The following UVSSA variants were observed in gnomAD, a reference collection of about 807,000 sequenced individuals.
UVSSA encodes the protein UV stimulated scaffold protein A, also known as UV-stimulated scaffold protein A.
UVSSA carries 72 observed loss-of-function variants against 73.9 expected under a neutral mutation model. The observed-to-expected ratio is 0.97, with a 90% CI of 0.81 to 1.19. The LOEUF is 1.19. Ranked by LOEUF, UVSSA falls within the 50% of genes most tolerant of loss-of-function variation. UVSSA has a pLI of 0.00. For missense variants in UVSSA, 1,150 were observed against 965.0 expected, an observed-to-expected ratio of 1.19 and a Z score of -2.54; for synonymous variants, 454 against 391.3, an observed-to-expected ratio of 1.16 and a Z score of -1.89.
At chr4:1,393,574 T>TTAGATTAGA (rs1553889243) in exon 14 of UVSSA, 2 of 147,584 alleles carry the variant, frequency 1.4e-5, no homozygotes, top group African/African-American at 5.0e-5. Flanking sequence ...GATAGATAGA[T>TTAGATTAGA]TAGATAGATA....
intron 4 of UVSSA, 144 bp downstream of exon 4, chr4:1,351,979 G>C (rs1434244069): frequency 1.3e-5 from 17 of 1,353,150 alleles, no homozygotes; most frequent in Non-Finnish European, 1.5e-5. Context: ...GGTCGGGCCG[G>C]AAGGCGTTCT....
At chr4:1,389,450 C>G (rs1437809319), downstream of UVSSA, 1 of 152,310 alleles carries the variant, frequency 6.6e-6, no homozygotes, top group East Asian at 1.9e-4. Context: ...TGGCTCACTA[C>G]AGCTTTGACC....
At position 1,353,237 on chromosome 4, in the gene UVSSA, G is replaced by A. The variant is rs747075424; in HGVS notation, c.758G>A (p.Cys253Tyr). 2.5e-6 allele frequency: 4 copies of A among 1,611,888 alleles called. No individual in the cohort carries two copies. The South Asian group carries it at 4.4e-5, about 18-fold the overall frequency. The change falls in exon 5 of 14, where the codon TGC becomes TAC. Residue 253 changes from cysteine to tyrosine, a missense_variant. By Grantham distance (194) the Cys-to-Tyr change is radical. Coordinates refer to ENST00000389851, the MANE Select transcript of UVSSA (RefSeq NM_020894.4). ...CCCCGGGACGGGGAGCAGCCCTGCTGCAGTAGAGACCTGCCTGCCTCTGCA... is the reference window on the plus strand; with the variant it reads ...CCCCGGGACGGGGAGCAGCCCTGCTACAGTAGAGACCTGCCTGCCTCTGCA... ...PDPRDGEQPC[C>Y]SRDLPASAGH...
upstream of UVSSA, among the ~76,000 whole-genome samples, chr4:1,344,443 T>C (rs942959744): frequency 1.3e-5 from 2 of 151,964 alleles, no homozygotes; most frequent in East Asian, 3.9e-4. Context: ...CCCAGCTATT[T>C]GGGAGGCCAA....
chr4:1,351,519 G>A (rs2109073965), intron 3 of UVSSA, among the ~76,000 whole-genome samples, 196 bp from the exon 4 acceptor site: 1 of 151,422 alleles, frequency 6.6e-6, no homozygotes, highest in African/African-American at 2.4e-5. Context: ...CCAAGTAGCT[G>A]GGACTACAGG....
rs77731309 is a variant in UVSSA, at chr4:1,380,926, C to T, written c.1799C>T (p.Pro600Leu). Residue 600 changes from proline (P) to leucine (L), a missense_variant, in exon 12 of 14, where the codon CCG becomes CTG. Coordinates refer to ENST00000389851, the MANE Select transcript of UVSSA (RefSeq NM_020894.4). ...GTTCCACGGGACGACGAAGGACGGC[C>T]GCTCGACCCGGAAGACAGGGCTCGT... ...KIVPRDDEGR[P>L]LDPEDRAREQ... is the part of the protein sequence containing the mutation. 4.8e-4 allele frequency: 775 copies of T among 1,613,034 alleles called. 2 individuals carry two copies. The East Asian group carries it at 0.011, about 22-fold the overall frequency.
At chr4:1,345,293 G>A (rs529163896), upstream of UVSSA, among the ~76,000 whole-genome samples, 1 of 152,248 alleles carries the variant, frequency 6.6e-6, no homozygotes, top group East Asian at 1.9e-4. Flanking sequence ...GAGAGGAAGA[G>A]AGAAGCCCAA....
At chr4:1,394,501 C>G in exon 14 of UVSSA, 2 of 1,612,264 alleles carry the variant, frequency 1.2e-6, no homozygotes, top group South Asian at 2.2e-5. Flanking sequence ...CCAGGTGTCC[C>G]TGCACCTCTT....
At chr4:1,374,700 G>T (rs1002113964) in intron 8 of UVSSA, among the ~76,000 whole-genome samples, 2 of 152,330 alleles carry the variant, frequency 1.3e-5, no homozygotes, top group South Asian at 4.1e-4. Flanking sequence ...GGAGGGAGTT[G>T]CCAGGGCCAA....
At chr4:1,348,492 T>C (rs180993168) in intron 2 of UVSSA, among the ~76,000 whole-genome samples, 1 of 152,374 alleles carries the variant, frequency 6.6e-6, no homozygotes, top group East Asian at 1.9e-4. Flanking sequence ...AACGTGCATC[T>C]TTTTCTTTGC....
exon 14 of UVSSA, chr4:1,394,835 C>T (rs1720490958): frequency 1.3e-6 from 2 of 1,526,912 alleles, no homozygotes; most frequent in Non-Finnish European, 1.8e-6. Context: ...CCCGCCTGCT[C>T]ACGTGCCCAT....
intron 11 of UVSSA, chr4:1,380,545 G>C: frequency 8.9e-7 from 1 of 1,125,196 alleles, no homozygotes; most frequent in Non-Finnish European, 1.2e-6. Flanking sequence ...ATCCTCAAAA[G>C]TGAGGAGAGG....
At position 1,376,046 on chromosome 4, in the gene UVSSA, G is replaced by A. The variant is rs114098503; in HGVS notation, c.1446G>A (p.Ala482=). 159 of 1,597,566 alleles carry A rather than the reference G, an allele frequency of 1.0e-4. 1 individual carries two copies. Among genetic ancestry groups the A allele is most frequent in the Middle Eastern group, 1.8e-4 (1 of 5,486 alleles). Residue 482 remains alanine (A), a synonymous_variant, in exon 10 of 14, where the codon GCG becomes GCA. Coordinates refer to ENST00000389851, the MANE Select transcript of UVSSA (RefSeq NM_020894.4). ...PPPSSASPSR[A]LPEPQEAQKL... The stretch of plus-strand genomic sequence containing the variant: ...TCTGCTCCTGTAGCCCCTCCAGAGC[G>A]TTGCCAGAGCCACAGGAGGCCCAGA...
At position 1,349,536 on chromosome 4, in the gene UVSSA, G is replaced by A; in HGVS notation, c.111G>A (p.Glu37=). The A allele has an allele frequency of 6.2e-7, 1 of 1,612,814 alleles. No individual in the cohort carries two copies. The highest frequency in any genetic ancestry group is 8.5e-7 in the Non-Finnish European group (1 of 1,179,484). Residue 37 remains glutamate, a synonymous_variant, in exon 3 of 14, where the codon GAG becomes GAA. Transcript: ENST00000389851. ...ELKKICKSSE[E]QLSRAYRLLI... ...CTCGCATCCCCAGGTCTTCAGAGGAGCAGCTGAGCCGCGCCTACCGCCTGC... is the reference window on the plus strand; with the variant it reads ...CTCGCATCCCCAGGTCTTCAGAGGAACAGCTGAGCCGCGCCTACCGCCTGC...
chr4:1,381,055 G>A, intron 12 of UVSSA, 67 bp downstream of exon 12: 6 of 1,464,342 alleles, frequency 4.1e-6, no homozygotes, highest in Non-Finnish European at 5.6e-6. Flanking sequence ...AGTGGCCCGG[G>A]GTGTGTCTGC....
intron 7 of UVSSA, 88 bp from the exon 8 acceptor site, chr4:1,366,232 A>G: frequency 9.5e-7 from 1 of 1,047,210 alleles, no homozygotes; most frequent in Non-Finnish European, 1.4e-6. Flanking sequence ...CTCCACAAGA[A>G]ATAGGAATTT....
At chr4:1,343,184 G>C (rs1203079030), upstream of UVSSA, among the ~76,000 whole-genome samples, 1 of 152,138 alleles carries the variant, frequency 6.6e-6, no homozygotes, top group Non-Finnish European at 1.5e-5. Context: ...GATGCTGGCA[G>C]GGTTGGCTCC....
chr4:1,365,432 C>T (rs1037056824), intron 7 of UVSSA, among the ~76,000 whole-genome samples: 3 of 152,200 alleles, frequency 2.0e-5, no homozygotes, highest in East Asian at 1.9e-4. Flanking sequence ...CCCACTAAGT[C>T]GGGCGCAGGA....
upstream of UVSSA, among the ~76,000 whole-genome samples, chr4:1,343,382 A>G (rs972521345): frequency 1.3e-5 from 2 of 152,134 alleles, no homozygotes; most frequent in African/African-American, 4.8e-5. Flanking sequence ...CTCATCTCCA[A>G]ATAAAGTCAC....
Sources: gnomAD v4.1 joint callset for allele counts (sites outside exome capture counted in the v4.1 genomes callset) on GRCh38, gnomAD v4.1.1 for gene constraint, MANE v1.5 for transcripts, NCBI Gene and HGNC (gene_info 2026-07-23, HGNC 2026-07-21) for gene names.